Variants in KLF12 observed in about 807,000 individuals in gnomAD.
KLF12 encodes the protein KLF transcription factor 12.
KLF12 carries 9 observed loss-of-function variants against 37.8 expected under a neutral mutation model. That is an observed-to-expected ratio of 0.24 (90% CI 0.14 to 0.42). The LOEUF is 0.42. Ranked by LOEUF, KLF12 falls within the 10% of genes least tolerant of loss-of-function variation. The pLI is 1.00. For synonymous variants in KLF12, 208 were observed against 202.1 expected (o/e 1.03, Z -0.25); for missense variants, 411 against 516.0 (o/e 0.80, Z 1.97).
chr13:73,886,144 G>A (rs1408696163), intron 3 of KLF12, among the ~76,000 whole-genome samples: 2 of 152,156 alleles, frequency 1.3e-5, no homozygotes, highest in Non-Finnish European at 2.9e-5. Context: ...ACCAGTCTAT[G>A]GAAGTGTCAC....
At chr13:73,706,154 AAAACAAAC>A (rs560684319) in intron 7 of KLF12, among the ~76,000 whole-genome samples, 2 of 152,054 alleles carry the variant, frequency 1.3e-5, no homozygotes, top group South Asian at 2.1e-4. Context: ...ACTCCATCTC[AAAACAAAC>A]AAACAAACAA....
intron 1 of KLF12, among the ~76,000 whole-genome samples, chr13:74,007,885 G>GA (rs199510691): frequency 0.051 from 7,248 of 141,984 alleles, 205 homozygotes; most frequent in Non-Finnish European, 0.066. Flanking sequence ...CTGGTACATG[G>GA]AAAAAAAAAA....
chr13:74,217,980 T>C, the KLF12 span, among the ~76,000 whole-genome samples: 1 of 152,194 alleles, frequency 6.6e-6, no homozygotes, highest in Non-Finnish European at 1.5e-5. Context: ...TCCATGGCTC[T>C]GGTTGTAAAT....
chr13:73,995,996 T>C (rs1892107238), intron 1 of KLF12, among the ~76,000 whole-genome samples: 1 of 152,198 alleles, frequency 6.6e-6, no homozygotes, highest in South Asian at 2.1e-4. Context: ...CTATGGGCCG[T>C]AGCACTGGGC....
chr13:73,746,133 A>G (rs1878354607), intron 6 of KLF12, among the ~76,000 whole-genome samples: 1 of 152,166 alleles, frequency 6.6e-6, no homozygotes. Context: ...TGGGCAAACA[A>G]TGCAGGGACT....
chr13:73,894,321 G>A (rs1438001744), intron 3 of KLF12, among the ~76,000 whole-genome samples: 1 of 152,142 alleles, frequency 6.6e-6, no homozygotes, highest in Non-Finnish European at 1.5e-5. Flanking sequence ...ACATATACTT[G>A]GGACACCACA....
the KLF12 span, among the ~76,000 whole-genome samples, chr13:74,274,256 T>G: frequency 6.6e-6 from 1 of 152,168 alleles, no homozygotes; most frequent in Non-Finnish European, 1.5e-5. Context: ...CAACTGCCAC[T>G]TCCAGATGGC....
At chr13:73,955,501 G>C (rs1222915013) in intron 2 of KLF12, among the ~76,000 whole-genome samples, 2 of 152,134 alleles carry the variant, frequency 1.3e-5, no homozygotes, top group South Asian at 2.1e-4. Flanking sequence ...TGTACACACC[G>C]ATTACACAGA....
intron 3 of KLF12, among the ~76,000 whole-genome samples, chr13:73,895,267 T>C (rs755870132): frequency 6.6e-6 from 1 of 152,244 alleles, no homozygotes; most frequent in Admixed American, 6.5e-5. Context: ...AAGATTTGTA[T>C]AGATACATGA....
intron 3 of KLF12, among the ~76,000 whole-genome samples, chr13:73,925,661 T>C (rs986824398): frequency 6.6e-6 from 1 of 152,224 alleles, no homozygotes; most frequent in Non-Finnish European, 1.5e-5. Flanking sequence ...ATATATTTCA[T>C]ACAGTTATAG....
At chr13:74,150,086 T>G in the KLF12 span, among the ~76,000 whole-genome samples, 1 of 152,224 alleles carries the variant, frequency 6.6e-6, no homozygotes, top group African/African-American at 2.4e-5. Context: ...TGCTTTTTAT[T>G]TTCTCTCTCC....
intron 1 of KLF12, among the ~76,000 whole-genome samples, chr13:74,006,254 C>A (rs1892405719): frequency 1.3e-5 from 2 of 152,184 alleles, no homozygotes; most frequent in Non-Finnish European, 2.9e-5. Flanking sequence ...TCAGTGATTT[C>A]TCTGATTCTT....
intron 6 of KLF12, among the ~76,000 whole-genome samples, chr13:73,760,903 G>A (rs1168279062): frequency 1.3e-5 from 2 of 152,270 alleles, no homozygotes; most frequent in African/African-American, 2.4e-5. Flanking sequence ...TTTAGAATAT[G>A]AACATGGATT....
intron 2 of KLF12, among the ~76,000 whole-genome samples, chr13:73,980,728 C>T (rs1216765250): frequency 1.3e-5 from 2 of 152,102 alleles, no homozygotes; most frequent in African/African-American, 2.4e-5. Context: ...AACATATGAA[C>T]CATTAATAAC....
chr13:73,712,134 T>C (rs1220677358), intron 7 of KLF12, among the ~76,000 whole-genome samples: 3 of 151,496 alleles, frequency 2.0e-5, no homozygotes, highest in Non-Finnish European at 4.4e-5. Context: ...AGGTCGGGAG[T>C]TCGAGACCAG....
intron 3 of KLF12, among the ~76,000 whole-genome samples, chr13:73,911,328 A>G (rs1888561608): frequency 6.6e-6 from 1 of 152,236 alleles, no homozygotes; most frequent in Admixed American, 6.5e-5. Context: ...TATTTATTCA[A>G]ATTTCATGGC....
intron 5 of KLF12, among the ~76,000 whole-genome samples, chr13:73,799,285 G>A (rs1157368500): frequency 6.6e-6 from 1 of 151,962 alleles, no homozygotes; most frequent in Non-Finnish European, 1.5e-5. Context: ...AGGGAGAAGA[G>A]CAAAAAAGAT....
intron 5 of KLF12, among the ~76,000 whole-genome samples, chr13:73,809,321 T>C (rs982646691): frequency 1.3e-5 from 2 of 151,826 alleles, no homozygotes; most frequent in Non-Finnish European, 2.9e-5. Context: ...GTTTTTTTTG[T>C]TGTTGACAGC....
At chr13:73,904,269 T>A (rs558055630) in intron 3 of KLF12, among the ~76,000 whole-genome samples, 1 of 152,324 alleles carries the variant, frequency 6.6e-6, no homozygotes, top group African/African-American at 2.4e-5. Context: ...CTAGCACAAG[T>A]GCAACAAATT....
Sources: gnomAD v4.1 joint callset for allele counts (sites outside exome capture counted in the v4.1 genomes callset) on GRCh38, gnomAD v4.1.1 for gene constraint, MANE v1.5 for transcripts, NCBI Gene and HGNC (gene_info 2026-07-23, HGNC 2026-07-21) for gene names.